Variants in STK33 observed in about 807,000 individuals in gnomAD.
STK33 encodes the protein serine/threonine kinase 33.
A neutral mutation model predicts 58.0 loss-of-function variants in STK33; 52 were observed. That is an observed-to-expected ratio of 0.90 (90% CI 0.72 to 1.13). The LOEUF is 1.13. STK33 is among the 50% of genes most tolerant of loss of function. The probability of loss-of-function intolerance (pLI) is 0.00; values close to 1 mark genes in which losing one functional copy is unlikely to be tolerated. For missense variants in STK33, 630 were observed against 604.2 expected, an observed-to-expected ratio of 1.04 and a Z score of -0.45; for synonymous variants, 215 against 200.1, an observed-to-expected ratio of 1.07 and a Z score of -0.63.
intron 11 of STK33, among the ~76,000 whole-genome samples, chr11:8,451,763 C>T (rs1045467799): frequency 6.6e-6 from 1 of 152,074 alleles, no homozygotes; most frequent in Non-Finnish European, 1.5e-5. Flanking sequence ...AAAGGATGCA[C>T]AAATATCTTT....
At chr11:8,582,648 G>T (rs2030602046) in intron 1 of STK33, among the ~76,000 whole-genome samples, 1 of 152,110 alleles carries the variant, frequency 6.6e-6, no homozygotes, top group African/African-American at 2.4e-5. Context: ...GGGATTATGG[G>T]AATTACAATT....
intron 1 of STK33, among the ~76,000 whole-genome samples, chr11:8,563,937 A>G (rs550551748): frequency 1.3e-5 from 2 of 152,098 alleles, no homozygotes; most frequent in East Asian, 1.9e-4. Flanking sequence ...AACTGTGGGG[A>G]AAAAAAAGAG....
intron 8 of STK33, among the ~76,000 whole-genome samples, chr11:8,461,580 A>G (rs1591262829): frequency 6.6e-6 from 1 of 152,224 alleles, no homozygotes; most frequent in Non-Finnish European, 1.5e-5. Context: ...TTTGTTTTCA[A>G]CATGCCACCC....
At chr11:8,529,588 G>A (rs1299129689) in intron 1 of STK33, among the ~76,000 whole-genome samples, 1 of 152,124 alleles carries the variant, frequency 6.6e-6, no homozygotes. Flanking sequence ...TGTTGTTGAT[G>A]TGATTATCTG....
intron 1 of STK33, among the ~76,000 whole-genome samples, chr11:8,557,139 T>C (rs1956793732): frequency 6.7e-6 from 1 of 150,362 alleles, no homozygotes; most frequent in Non-Finnish European, 1.5e-5. Flanking sequence ...TGGTCCCAGC[T>C]ACTTGGGAGG....
the STK33 span, among the ~76,000 whole-genome samples, chr11:8,379,511 G>A: frequency 6.6e-6 from 1 of 151,712 alleles, no homozygotes; most frequent in Non-Finnish European, 1.5e-5. Context: ...CTCAAAGGAA[G>A]ATATACAAAT....
At chr11:8,515,218 T>C (rs1035757466) in intron 1 of STK33, among the ~76,000 whole-genome samples, 3 of 151,670 alleles carry the variant, frequency 2.0e-5, no homozygotes, top group Non-Finnish European at 2.9e-5. Context: ...AAATCAGAAA[T>C]GAAAGAAGAG....
chr11:8,478,140 G>A (rs1353175713), intron 2 of STK33, among the ~76,000 whole-genome samples: 2 of 147,860 alleles, frequency 1.4e-5, no homozygotes, highest in Non-Finnish European at 2.9e-5. Context: ...TGAAAGATTT[G>A]TTACTAAAAC....
chr11:8,397,238 C>T (rs57125396), intron 15 of STK33, among the ~76,000 whole-genome samples: 20,222 of 152,210 alleles, frequency 0.13, 1,733 homozygotes, highest in African/African-American at 0.23. Flanking sequence ...ACACCTCACA[C>T]GGTCGGGTAC....
In STK33 at chr11:8,436,115, C is replaced by CA; in HGVS notation, c.971dup (p.Leu324PhefsTer10). On this transcript the variant is annotated frameshift_variant, in exon 13 of 16. Transcript: ENST00000687296. LOFTEE classifies it high-confidence loss of function. ...CAAAAAGCTTCTCTTCTGAGCTTGC[C>CA]AAAAAGGGTGGTTCTCCACGTAATC... is the stretch of plus-strand genomic sequence containing the variant. 6.3e-7 allele frequency: 1 copy of CA among 1,580,194 alleles called. No homozygotes were observed. Among genetic ancestry groups the CA allele is most frequent in the Non-Finnish European group, 8.6e-7 (1 of 1,164,866 alleles).
At chr11:8,390,014 C>CCGGCTTT (rs1183481473), downstream of STK33, among the ~76,000 whole-genome samples, 2 of 152,180 alleles carry the variant, frequency 1.3e-5, no homozygotes, top group Non-Finnish European at 2.9e-5. Flanking sequence ...GCTCCGGCTT[C>CCGGCTTT]CGGCTTTGGC....
intron 1 of STK33, among the ~76,000 whole-genome samples, chr11:8,488,177 A>G (rs1265188741): frequency 6.6e-6 from 1 of 152,170 alleles, no homozygotes; most frequent in Non-Finnish European, 1.5e-5. Context: ...TGCCAGTACA[A>G]AATGCCTCCT....
intron 1 of STK33, among the ~76,000 whole-genome samples, chr11:8,514,643 A>G (rs1210635932): frequency 6.6e-6 from 1 of 152,214 alleles, no homozygotes; most frequent in Admixed American, 6.5e-5. Context: ...AAATCATCTC[A>G]TTCTCTAAAA....
At chr11:8,416,401 TA>T (rs1460767842) in intron 14 of STK33, among the ~76,000 whole-genome samples, 1 of 150,656 alleles carries the variant, frequency 6.6e-6, no homozygotes, top group African/African-American at 2.5e-5. Context: ...AATTACAGTG[TA>T]CTAAATGAAC....
intron 1 of STK33, among the ~76,000 whole-genome samples, chr11:8,540,966 A>ATCTC (rs58020007): frequency 5.6e-4 from 80 of 144,030 alleles, no homozygotes; most frequent in African/African-American, 1.9e-3. Context: ...CCATCTTACT[A>ATCTC]TCTCTCTCTC....
intron 2 of STK33, among the ~76,000 whole-genome samples, chr11:8,479,315 C>G (rs566090453): frequency 3.3e-5 from 5 of 152,032 alleles, no homozygotes; most frequent in Admixed American, 6.5e-5. Context: ...CACCTGTAAT[C>G]CCGGCTACTA....
At chr11:8,575,661 T>C (rs932981564) in intron 1 of STK33, among the ~76,000 whole-genome samples, 1 of 152,120 alleles carries the variant, frequency 6.6e-6, no homozygotes, top group Non-Finnish European at 1.5e-5. Context: ...TTTTTGGAAG[T>C]AGTGGATAAC....
chr11:8,475,053 T>G lies in STK33; in HGVS notation c.-148A>C. The G allele has an allele frequency of 1.7e-6, 1 of 588,406 alleles. No homozygotes were observed. The highest frequency in any genetic ancestry group is 2.9e-6 in the Non-Finnish European group (1 of 348,798). 36.4% of individuals were successfully genotyped at this position (588,406 alleles called of 1,614,324 possible). ...AGGTTAAGGATGCACTAGACACATA[T>G]TCACACGTGAGAGCTGCAGAAAGAA... On this transcript the variant is annotated 5_prime_UTR_variant, in exon 5 of 16. Coordinates refer to ENST00000687296, the MANE Select transcript of STK33 (RefSeq NM_001352389.2).
chr11:8,491,395 A>T lies in STK33; in HGVS notation c.-465-10781T>A, dbSNP rs572918621. Among the ~76,000 whole-genome samples, 4 of 152,342 alleles carry T rather than the reference A, an allele frequency of 2.6e-5. No homozygotes were observed. In the South Asian group the frequency reaches 8.3e-4, roughly 32 times the overall value. ...AAAGCAAGAGGAGAAGTTTAGAGAA[A>T]AAAGAGTAAACAGAAATGAACAAAG... On this transcript the variant is annotated intron_variant, in intron 1 of 15. Transcript: ENST00000687296.
Sources: allele counts gnomAD v4.1 joint callset (sites outside exome capture counted in the v4.1 genomes callset), GRCh38; gene constraint gnomAD v4.1.1; transcripts MANE v1.5; gene names NCBI Gene and HGNC (gene_info 2026-07-23, HGNC 2026-07-21).